AQP7B: variants seen among roughly 807,000 people sequenced by gnomAD.
AQP7B encodes the protein putative aquaporin-7B.
the AQP7B span, chr2:94,603,219 C>G: frequency 6.9e-7 from 1 of 1,444,144 alleles, no homozygotes; most frequent in East Asian, 2.3e-5. Flanking sequence ...CAGCCGCCTC[C>G]TATGAAATAT....
the AQP7B span, among the ~76,000 whole-genome samples, chr2:94,590,236 G>A: frequency 3.3e-5 from 5 of 152,220 alleles, no homozygotes; most frequent in African/African-American, 1.2e-4. Context: ...ATGCTGAAGT[G>A]CAGTGGCATG....
At chr2:94,595,098 C>T in the AQP7B span, among the ~76,000 whole-genome samples, 10 of 152,136 alleles carry the variant, frequency 6.6e-5, no homozygotes, top group South Asian at 2.1e-4. Context: ...CTGGGGTATC[C>T]GGGGCACGGC....
At chr2:94,597,871 C>A in the AQP7B span, among the ~76,000 whole-genome samples, 1 of 152,180 alleles carries the variant, frequency 6.6e-6, no homozygotes, top group Non-Finnish European at 1.5e-5. Context: ...TCCCAAAGTG[C>A]TGGGATTACA....
At chr2:94,602,029 G>A in the AQP7B span, among the ~76,000 whole-genome samples, 2 of 151,490 alleles carry the variant, frequency 1.3e-5, no homozygotes, top group South Asian at 4.2e-4. Context: ...GTGTGTGTGT[G>A]TGTGTGTGTG....
the AQP7B span, among the ~76,000 whole-genome samples, chr2:94,599,596 G>C: frequency 2.6e-5 from 4 of 151,996 alleles, no homozygotes; most frequent in African/African-American, 7.3e-5. Context: ...CTGGGGCGGG[G>C]TCCTCTCCTT....
At chr2:94,596,463 G>T in the AQP7B span, among the ~76,000 whole-genome samples, 1 of 152,212 alleles carries the variant, frequency 6.6e-6, no homozygotes, top group Non-Finnish European at 1.5e-5. Context: ...GTTTGTGTGT[G>T]TGGTGGGGCC....
chr2:94,603,074 T>C, the AQP7B span: 2 of 1,595,344 alleles, frequency 1.3e-6, no homozygotes, highest in Admixed American at 1.7e-5. Context: ...TCACTAACTG[T>C]GCGCTGGGCC....
chr2:94,593,737 T>A, the AQP7B span, among the ~76,000 whole-genome samples: 1 of 151,982 alleles, frequency 6.6e-6, no homozygotes, highest in East Asian at 1.9e-4. Flanking sequence ...CTGCCCACCT[T>A]GGCCTCCCAA....
chr2:94,601,820 A>G, the AQP7B span, among the ~76,000 whole-genome samples: 297 of 152,230 alleles, frequency 2.0e-3, 2 homozygotes, highest in Middle Eastern at 0.014. Flanking sequence ...AGGAGCCAGG[A>G]CTGAAGGGAA....
chr2:94,596,696 C>T, the AQP7B span, among the ~76,000 whole-genome samples: 1 of 152,154 alleles, frequency 6.6e-6, no homozygotes, highest in East Asian at 1.9e-4. Context: ...TAACTGTTCA[C>T]AAATTTAGCT....
chr2:94,594,376 C>A, the AQP7B span, among the ~76,000 whole-genome samples: 1 of 152,230 alleles, frequency 6.6e-6, no homozygotes, highest in Non-Finnish European at 1.5e-5. Flanking sequence ...CAGACATAGA[C>A]AACTGAGCTC....
At chr2:94,588,806 A>G in the AQP7B span, among the ~76,000 whole-genome samples, 1 of 150,696 alleles carries the variant, frequency 6.6e-6, no homozygotes, top group African/African-American at 2.4e-5. Context: ...CTTCAACTCA[A>G]CTGCACTCAG....
chr2:94,590,964 A>G, the AQP7B span, among the ~76,000 whole-genome samples: 5 of 151,240 alleles, frequency 3.3e-5, no homozygotes, highest in African/African-American at 4.9e-5. Flanking sequence ...AAAAAAAAAA[A>G]AAAAGAAAGA....
chr2:94,603,632 G>A, the AQP7B span: 3 of 1,314,774 alleles, frequency 2.3e-6, no homozygotes, highest in Non-Finnish European at 3.1e-6. Context: ...CTCTGCTGGT[G>A]GGCTTGGGTC....
the AQP7B span, among the ~76,000 whole-genome samples, chr2:94,602,843 A>T: frequency 5.3e-5 from 8 of 152,158 alleles, no homozygotes; most frequent in Non-Finnish European, 1.2e-4. Flanking sequence ...TAGGCAAGCC[A>T]TCGCCTTCTG....
chr2:94,604,226 G>A, the AQP7B span: 25 of 1,478,642 alleles, frequency 1.7e-5, no homozygotes, highest in Admixed American at 4.1e-5. Context: ...TTCGCCCAAG[G>A]TGGATGAGGG....
chr2:94,595,547 G>T, the AQP7B span, among the ~76,000 whole-genome samples: 3 of 152,086 alleles, frequency 2.0e-5, no homozygotes, highest in Non-Finnish European at 4.4e-5. Context: ...GGCAAGCAGG[G>T]GAGTGACATG....
At chr2:94,604,274 C>A in the AQP7B span, 2 of 1,588,598 alleles carry the variant, frequency 1.3e-6, no homozygotes, top group African/African-American at 1.3e-5. Flanking sequence ...CAGGCCTCTG[C>A]CTCTTGCCTG....
the AQP7B span, chr2:94,603,722 C>T: frequency 1.3e-6 from 2 of 1,493,642 alleles, no homozygotes; most frequent in Non-Finnish European, 1.8e-6. Context: ...GAGTGGCTGA[C>T]CAGGATGCTC....
Sources: allele counts gnomAD v4.1 joint callset (sites outside exome capture counted in the v4.1 genomes callset), GRCh38; gene constraint gnomAD v4.1.1; transcripts MANE v1.5; gene names NCBI Gene and HGNC (gene_info 2026-07-23, HGNC 2026-07-21).